Variants in MYL3 observed in about 807,000 individuals in gnomAD.
The protein encoded by MYL3 is myosin light chain 3.
In MYL3, 11 loss-of-function variants were observed where a neutral mutation model predicts 21.3. That is an observed-to-expected ratio of 0.52 (90% CI 0.32 to 0.85). The LOEUF (loss-of-function observed/expected upper bound fraction) is 0.85, where lower values mean the gene tolerates loss of function less well. Among genes scored for constraint, MYL3 ranks in the 40% least tolerant of loss-of-function variants. The pLI, the probability that MYL3 is intolerant of heterozygous loss-of-function variation, is 0.03. For missense variants in MYL3, 206 were observed against 253.3 expected, an observed-to-expected ratio of 0.81 and a Z score of 1.27; for synonymous variants, 88 against 91.6, an observed-to-expected ratio of 0.96 and a Z score of 0.22.
At chr3:46,864,299 A>AG (rs1702026619), upstream of MYL3, among the ~76,000 whole-genome samples, 1 of 151,950 alleles carries the variant, frequency 6.6e-6, no homozygotes, top group Non-Finnish European at 1.5e-5. This position sits in a 1 kb window ranked among gnomAD's most constrained non-coding sequence, Gnocchi z 4.7. Context: ...TATGGGTCCA[A>AG]GGGTCTCCAG....
chr3:46,863,220 CT>C, intron 1 of MYL3, 41 bp downstream of exon 1: 1 of 1,613,060 alleles, frequency 6.2e-7, no homozygotes, highest in African/African-American at 1.3e-5. Context: ...GATCCACTCA[CT>C]TGCCCTGCTC....
upstream of MYL3, among the ~76,000 whole-genome samples, chr3:46,867,187 A>C (rs1702053974): frequency 6.6e-6 from 1 of 151,778 alleles, no homozygotes; most frequent in African/African-American, 2.4e-5. Flanking sequence ...CCGGACCTTC[A>C]ACCCAGACTC....
intron 1 of MYL3, among the ~76,000 whole-genome samples, chr3:46,875,174 G>A (rs1022087904): frequency 6.6e-5 from 10 of 152,180 alleles, no homozygotes; most frequent in East Asian, 1.9e-4. Context: ...CAGGGACCAC[G>A]GGACGGTGCT....
chr3:46,864,239 A>G (rs2106915941), upstream of MYL3, among the ~76,000 whole-genome samples: 1 of 151,830 alleles, frequency 6.6e-6, no homozygotes, highest in Admixed American at 6.6e-5. The surrounding 1 kb of genome is among the most constrained non-coding windows in gnomAD (Gnocchi z 4.7). Context: ...GGGTGTTTAC[A>G]TGTGTCTGTA....
rs2030078860 is a variant in MYL3, at chr3:46,874,494, G to A, written c.-218+7580C>T. ...CCCCCGGCAAGGACCCAGTGTCTGA[G>A]CTAACCCCCTCCCCACCACCTCCTC... On this transcript the variant is annotated intron_variant, in intron 1 of 3. Coordinates refer to the MYL3 transcript ENST00000431168. This position sits in a 1 kb window ranked among gnomAD's most constrained non-coding sequence, Gnocchi z 4.1. 6.6e-6 allele frequency among the ~76,000 whole-genome samples: 1 copy of A among 152,272 alleles called. No homozygotes were observed. The highest frequency in any genetic ancestry group is 1.5e-5 in the Non-Finnish European group (1 of 68,022).
At chr3:46,868,056 C>T (rs1344223483), upstream of MYL3, among the ~76,000 whole-genome samples, 2 of 152,194 alleles carry the variant, frequency 1.3e-5, no homozygotes, top group African/African-American at 4.8e-5. Flanking sequence ...TAAATTTCTA[C>T]ACCATCCCAT....
rs564450753 is a variant in MYL3, at chr3:46,879,544, A to G, written c.-218+2530T>C. On this transcript the variant is annotated intron_variant, in intron 1 of 3. Coordinates refer to the MYL3 transcript ENST00000431168. This position sits in a 1 kb window ranked among gnomAD's most constrained non-coding sequence, Gnocchi z 4.7. Reference sequence around the variant, plus strand: ...GACTGCTTGAGCCCAAGAGTTGGAGACCAGTCTAGGCAACAAAGTGAGACC... The same window carrying G: ...GACTGCTTGAGCCCAAGAGTTGGAGGCCAGTCTAGGCAACAAAGTGAGACC... 1.3e-5 allele frequency among the ~76,000 whole-genome samples: 2 copies of G among 152,190 alleles called. No homozygotes were observed. The highest frequency in any genetic ancestry group is 1.3e-4 in the Admixed American group (2 of 15,296).
chr3:46,873,762 G>A (rs755338675), intron 1 of MYL3, among the ~76,000 whole-genome samples: 1 of 152,178 alleles, frequency 6.6e-6, no homozygotes, highest in Non-Finnish European at 1.5e-5. Flanking sequence ...GGGACTGGGG[G>A]AAGCCTAGAC....
chr3:46,859,412 C>T lies in MYL3; in HGVS notation c.481+63G>A. 1 of 1,606,750 alleles carries T rather than the reference C, an allele frequency of 6.2e-7. No individual in the cohort carries two copies. Among genetic ancestry groups the T allele is most frequent in the Admixed American group, 1.7e-5 (1 of 59,992 alleles). ...AATGGGTCACAGGCCTGGGGGGCAA[C>T]AGAGTGGTTTCTCCCAGGATGTCCC... On this transcript the variant is annotated intron_variant, in intron 4 of 6. Transcript: ENST00000292327. The surrounding 1 kb of genome is among the most constrained non-coding windows in gnomAD (Gnocchi z 4.1).
intron 1 of MYL3, among the ~76,000 whole-genome samples, chr3:46,871,811 G>A (rs2029927311): frequency 1.3e-5 from 2 of 152,378 alleles, no homozygotes; most frequent in South Asian, 2.1e-4. Context: ...AGCCAGGGCT[G>A]AGGTAAATAC....
intron 1 of MYL3, among the ~76,000 whole-genome samples, chr3:46,869,758 G>A (rs1702089093): frequency 1.3e-5 from 2 of 152,236 alleles, no homozygotes; most frequent in Middle Eastern, 3.2e-3. Flanking sequence ...GCATGGGTGG[G>A]GAAGGGGCAT....
upstream of MYL3, chr3:46,866,490 C>G (rs1455539293): frequency 6.6e-6 from 1 of 152,260 alleles, no homozygotes; most frequent in African/African-American, 2.4e-5. Context: ...CGCCGGCCTT[C>G]TTCTGGGCTC....
At position 46,861,014 on chromosome 3, in the gene MYL3, T is replaced by C. The variant is rs1329374192; in HGVS notation, c.130-27A>G. 1.2e-6 allele frequency: 2 copies of C among 1,613,906 alleles called. No individual in the cohort carries two copies. Among genetic ancestry groups the C allele is most frequent in the Non-Finnish European group, 1.7e-6 (2 of 1,179,952 alleles). ...TGAAAAGAGACCCCAAAGACTCAGATGCCCGGCTTAAAAGGTGGGGCCACA... is the reference window on the plus strand; with the variant it reads ...TGAAAAGAGACCCCAAAGACTCAGACGCCCGGCTTAAAAGGTGGGGCCACA... On this transcript the variant is annotated intron_variant, in intron 1 of 6. Coordinates refer to ENST00000292327, the MANE Select transcript of MYL3 (RefSeq NM_000258.3). This position sits in a 1 kb window ranked among gnomAD's most constrained non-coding sequence, Gnocchi z 4.2.
In MYL3 at chr3:46,860,572, G is replaced by A; in HGVS notation, c.307+104C>T. ...CGGTGCCCTCATCGGGACAATGCGAGATGTCAGGAAAGATTCTCGTGCTAT... is the reference window on the plus strand; with the variant it reads ...CGGTGCCCTCATCGGGACAATGCGAAATGTCAGGAAAGATTCTCGTGCTAT... On this transcript the variant is annotated intron_variant, in intron 3 of 6. Coordinates refer to ENST00000292327, the MANE Select transcript of MYL3 (RefSeq NM_000258.3). This position sits in a 1 kb window ranked among gnomAD's most constrained non-coding sequence, Gnocchi z 4.6. 1 of 1,512,336 alleles carries A rather than the reference G, an allele frequency of 6.6e-7. No homozygotes were observed. Among genetic ancestry groups the A allele is most frequent in the Non-Finnish European group, 9.0e-7 (1 of 1,115,536 alleles). 93.7% of individuals were successfully genotyped at this position (1,512,336 alleles called of 1,614,324 possible). A position where few individuals can be genotyped will look rare whatever the true frequency, so the allele number is the denominator to read the frequency against.
upstream of MYL3, among the ~76,000 whole-genome samples, chr3:46,865,741 G>A (rs369924749): frequency 1.3e-4 from 20 of 152,204 alleles, no homozygotes; most frequent in East Asian, 3.7e-3. This position sits in a 1 kb window ranked among gnomAD's most constrained non-coding sequence, Gnocchi z 4.3. Context: ...GAGCCACATA[G>A]TGCCACCTTC....
rs2030419560 is a variant in MYL3 at position 46,879,391 on chromosome 3, G to C, written c.-218+2683C>G. On this transcript the variant is annotated intron_variant, in intron 1 of 3. Transcript: ENST00000431168. This position sits in a 1 kb window ranked among gnomAD's most constrained non-coding sequence, Gnocchi z 4.7. ...TAATGTTCTTTTCTCATCACCAAGG[G>C]GGAAAGCAGGGTGGAAGATCAGTGG... 6.6e-6 allele frequency among the ~76,000 whole-genome samples: 1 copy of C among 152,170 alleles called. No individual in the cohort carries two copies. Among genetic ancestry groups the C allele is most frequent in the Non-Finnish European group, 1.5e-5 (1 of 68,036 alleles).
intron 1 of MYL3, among the ~76,000 whole-genome samples, chr3:46,871,412 A>G (rs2106923427): frequency 6.6e-6 from 1 of 152,262 alleles, no homozygotes; most frequent in African/African-American, 2.4e-5. Flanking sequence ...TTCGAGCTTC[A>G]GCATCTGTGT....
chr3:46,864,201 C>T (rs936176), upstream of MYL3, among the ~76,000 whole-genome samples: 3,048 of 151,708 alleles, frequency 0.02, 128 homozygotes, highest in African/African-American at 0.071. This position sits in a 1 kb window ranked among gnomAD's most constrained non-coding sequence, Gnocchi z 4.7. Context: ...AGTGTGTCTG[C>T]GGGTGTTGCT....
At chr3:46,881,644 G>A (rs1195448449) in intron 1 of MYL3, among the ~76,000 whole-genome samples, 1 of 152,196 alleles carries the variant, frequency 6.6e-6, no homozygotes, top group Non-Finnish European at 1.5e-5. Flanking sequence ...AGACCTGGGC[G>A]GGGGTCGGGG....
Sources: allele counts gnomAD v4.1 joint callset (sites outside exome capture counted in the v4.1 genomes callset), GRCh38; gene constraint gnomAD v4.1.1; non-coding constraint Gnocchi (gnomAD v3.1); transcripts MANE v1.5; gene names NCBI Gene and HGNC (gene_info 2026-07-23, HGNC 2026-07-21).